ALDH1L1: variants seen among roughly 807,000 people sequenced by gnomAD.
ALDH1L1 encodes the protein aldehyde dehydrogenase 1 family member L1.
Under a neutral mutation model 101.1 loss-of-function variants are expected in ALDH1L1, and 68 were observed. The ratio of observed to expected loss-of-function variants is 0.67; its 90% confidence interval spans 0.55 to 0.82. The LOEUF (loss-of-function observed/expected upper bound fraction) is 0.82, where lower values mean the gene tolerates loss of function less well. Ranked by LOEUF, ALDH1L1 falls within the 40% of genes least tolerant of loss-of-function variation. The probability of loss-of-function intolerance (pLI) is 0.00; values close to 1 mark genes in which losing one functional copy is unlikely to be tolerated. For missense variants in ALDH1L1, 1,087 were observed against 1,172.7 expected (o/e 0.93, Z 1.07); for synonymous variants, 486 against 470.8 (o/e 1.03, Z -0.42).
intron 1 of ALDH1L1, among the ~76,000 whole-genome samples, chr3:126,187,491 C>T (rs374547593): frequency 1.1e-4 from 16 of 152,186 alleles, no homozygotes; most frequent in Admixed American, 7.2e-4. Flanking sequence ...GAGGGAAGCT[C>T]GAGCAGTCCT....
chr3:126,122,340 G>A (rs912958104), intron 16 of ALDH1L1, among the ~76,000 whole-genome samples: 1 of 152,154 alleles, frequency 6.6e-6, no homozygotes, highest in Non-Finnish European at 1.5e-5. Context: ...AAGCGATTGT[G>A]TAAAATGATT....
At chr3:126,122,818 C>T (rs2108214760) in intron 16 of ALDH1L1, among the ~76,000 whole-genome samples, 1 of 152,064 alleles carries the variant, frequency 6.6e-6, no homozygotes, top group South Asian at 2.1e-4. Context: ...AAAATGTATA[C>T]TGAAAATAAT....
chr3:126,116,038 A>ATT (rs35701473), intron 17 of ALDH1L1, among the ~76,000 whole-genome samples: 2 of 137,104 alleles, frequency 1.5e-5, no homozygotes, highest in East Asian at 2.2e-4. Context: ...ACACCTGGCT[A>ATT]TTTTTTTTTT....
chr3:126,172,761 C>T (rs2081302746), intron 1 of ALDH1L1, among the ~76,000 whole-genome samples: 2 of 151,720 alleles, frequency 1.3e-5, no homozygotes, highest in Non-Finnish European at 2.9e-5. Flanking sequence ...AGATCACCCC[C>T]CACCCCCCAA....
At chr3:126,189,848 C>T (rs902659268) in intron 1 of ALDH1L1, among the ~76,000 whole-genome samples, 1 of 152,112 alleles carries the variant, frequency 6.6e-6, no homozygotes, top group Non-Finnish European at 1.5e-5. Context: ...AATCTGATTC[C>T]CCGCAAAGCC....
chr3:126,133,022 G>A (rs892326116), intron 12 of ALDH1L1, among the ~76,000 whole-genome samples: 9 of 152,204 alleles, frequency 5.9e-5, no homozygotes, highest in African/African-American at 2.2e-4. Flanking sequence ...TCACCTAGCG[G>A]CCGATAGAGG....
chr3:126,137,853 A>G lies in ALDH1L1; in HGVS notation c.1184T>C (p.Leu395Pro). The change falls in exon 10 of 23, where the codon CTG becomes CCG. Residue 395 changes from leucine to proline, a missense_variant. This residue lies in a region of ALDH1L1 where 645 missense variants were observed against 637.0 expected (regional missense o/e 1.01). Coordinates refer to ENST00000393434, the MANE Select transcript of ALDH1L1 (RefSeq NM_012190.4). Reference sequence around the variant, plus strand: ...CTCGCCCTCCTCATCGTCCCCTCGCAGCTTCCTCACTAACAGCTGGATGAA... The same window carrying G: ...CTCGCCCTCCTCATCGTCCCCTCGCGGCTTCCTCACTAACAGCTGGATGAA... The part of the protein sequence containing the change: ...GDFIQLLVRK[L>P]RGDDEEGECS... The G allele has an allele frequency of 6.2e-7, 1 of 1,614,214 alleles. No homozygotes were observed. Among genetic ancestry groups the G allele is most frequent in the Non-Finnish European group, 8.5e-7 (1 of 1,180,020 alleles).
intron 7 of ALDH1L1, 64 bp from the exon 8 acceptor site, chr3:126,150,595 C>T (rs2080790257): frequency 5.3e-6 from 8 of 1,497,816 alleles, no homozygotes; most frequent in Non-Finnish European, 2.7e-6. Context: ...TGCTCTGTTG[C>T]CCAGGCTGGA....
chr3:126,170,954 A>C (rs1289436755), intron 1 of ALDH1L1, among the ~76,000 whole-genome samples: 2 of 152,186 alleles, frequency 1.3e-5, no homozygotes, highest in African/African-American at 4.8e-5. Flanking sequence ...CTTAATAATA[A>C]GGAACAAGCA....
At chr3:126,113,536 T>G (rs933522907) in intron 18 of ALDH1L1, among the ~76,000 whole-genome samples, 1 of 152,154 alleles carries the variant, frequency 6.6e-6, no homozygotes, top group Non-Finnish European at 1.5e-5. Context: ...AACCTGGGAC[T>G]GCACAGCCAA....
chr3:126,139,914 G>A (rs925491686), intron 9 of ALDH1L1, among the ~76,000 whole-genome samples: 9 of 151,262 alleles, frequency 5.9e-5, no homozygotes, highest in African/African-American at 1.9e-4. Context: ...AGGATTTATA[G>A]GATACCATGA....
intron 8 of ALDH1L1, among the ~76,000 whole-genome samples, chr3:126,150,157 G>A (rs1293184605): frequency 6.6e-6 from 1 of 152,208 alleles, no homozygotes; most frequent in Non-Finnish European, 1.5e-5. Context: ...CACTTATTAA[G>A]TGTTGACAAT....
At chr3:126,126,207 T>A (rs974773454) in intron 14 of ALDH1L1, among the ~76,000 whole-genome samples, 1 of 152,102 alleles carries the variant, frequency 6.6e-6, no homozygotes, top group Non-Finnish European at 1.5e-5. Flanking sequence ...TGTGAAGCCA[T>A]GGTGCCCAGT....
intron 20 of ALDH1L1, among the ~76,000 whole-genome samples, chr3:126,109,657 G>T (rs1946011781): frequency 1.3e-5 from 2 of 152,202 alleles, no homozygotes; most frequent in South Asian, 4.1e-4. Flanking sequence ...CTAGTCTCAT[G>T]AAATCTATGG....
chr3:126,181,053 G>A (rs1394043895), upstream of ALDH1L1: 32 of 1,539,394 alleles, frequency 2.1e-5, no homozygotes, highest in Non-Finnish European at 2.8e-5. Context: ...TAGCAGCTGC[G>A]CATCCGGGTG....
chr3:126,124,645 A>T (rs908745360), intron 15 of ALDH1L1, among the ~76,000 whole-genome samples, 194 bp from the exon 16 acceptor site: 2 of 152,194 alleles, frequency 1.3e-5, no homozygotes, highest in Non-Finnish European at 1.5e-5. Context: ...CCACAGCACC[A>T]GCTGGGAATC....
intron 1 of ALDH1L1, among the ~76,000 whole-genome samples, chr3:126,170,242 C>A (rs773223286): frequency 6.6e-6 from 1 of 152,010 alleles, no homozygotes; most frequent in East Asian, 1.9e-4. Context: ...GACACCCTCG[C>A]GGGAACTGCT....
chr3:126,140,953 A>G (rs1489813596), intron 9 of ALDH1L1, among the ~76,000 whole-genome samples: 1 of 152,058 alleles, frequency 6.6e-6, no homozygotes, highest in Non-Finnish European at 1.5e-5. Context: ...ATGTAAATGG[A>G]TTAAACTCTC....
chr3:126,113,909 G>A (rs757399463), intron 18 of ALDH1L1, among the ~76,000 whole-genome samples: 8 of 152,170 alleles, frequency 5.3e-5, no homozygotes, highest in Non-Finnish European at 1.0e-4. Flanking sequence ...GCAGCCACCC[G>A]GGAGGTGGGT....
Sources: allele counts gnomAD v4.1 joint callset (sites outside exome capture counted in the v4.1 genomes callset), GRCh38; gene constraint gnomAD v4.1.1; regional missense constraint gnomAD v4.1.1; transcripts MANE v1.5; gene names NCBI Gene and HGNC (gene_info 2026-07-23, HGNC 2026-07-21).